Variants in CTCF observed in about 807,000 individuals in gnomAD.
The protein encoded by CTCF is CCCTC-binding factor.
CTCF carries 7 observed loss-of-function variants against 72.3 expected under a neutral mutation model. The observed-to-expected ratio is 0.10, with a 90% CI of 0.06 to 0.18. The LOEUF (loss-of-function observed/expected upper bound fraction) is 0.18. Among genes scored for constraint, CTCF ranks in the 10% least tolerant of loss-of-function variants. The pLI is 1.00. For synonymous variants in CTCF, 374 were observed against 315.8 expected, an observed-to-expected ratio of 1.18 and a Z score of -1.95; for missense variants, 516 against 949.1, an observed-to-expected ratio of 0.54 and a Z score of 6.00.
At chr16:67,570,471 C>T (rs776251557) in intron 1 of CTCF, among the ~76,000 whole-genome samples, 6 of 150,232 alleles carry the variant, frequency 4.0e-5, no homozygotes, top group Non-Finnish European at 5.9e-5. Context: ...TTTTTTGAGA[C>T]GGAGTCTCGC....
At chr16:67,590,470 CACAT>C (rs1469711700) in intron 2 of CTCF, among the ~76,000 whole-genome samples, 1 of 151,798 alleles carries the variant, frequency 6.6e-6, no homozygotes, top group African/African-American at 2.4e-5. Flanking sequence ...TCTACACACA[CACAT>C]ACAAAAAGCC....
chr16:67,611,744 C>G (rs1443897192), intron 3 of CTCF, 131 bp downstream of exon 3: 2 of 1,046,410 alleles, frequency 1.9e-6, no homozygotes, highest in South Asian at 3.3e-5. Context: ...TTCTTTAAAA[C>G]CAGTCTAAAA....
chr16:67,567,158 G>A (rs987216263), intron 1 of CTCF, among the ~76,000 whole-genome samples: 8 of 152,118 alleles, frequency 5.3e-5, no homozygotes, highest in African/African-American at 1.9e-4. Context: ...TTAAACACCT[G>A]TAAACTTTCT....
intron 1 of CTCF, among the ~76,000 whole-genome samples, chr16:67,569,131 G>T (rs1272156945): frequency 1.3e-5 from 2 of 152,178 alleles, no homozygotes; most frequent in Middle Eastern, 6.8e-3. Flanking sequence ...GAACCACTGT[G>T]CCTGGCCTAT....
intron 2 of CTCF, among the ~76,000 whole-genome samples, chr16:67,609,614 C>A (rs1313731786): frequency 1.3e-5 from 2 of 151,514 alleles, no homozygotes; most frequent in African/African-American, 4.8e-5. Flanking sequence ...ACATCTTGGG[C>A]CTGATAATTC....
At chr16:67,585,571 A>G (rs547597967) in intron 2 of CTCF, among the ~76,000 whole-genome samples, 4 of 152,318 alleles carry the variant, frequency 2.6e-5, no homozygotes, top group Non-Finnish European at 4.4e-5. Context: ...ACATCCTTAC[A>G]GGCAGTATTG....
chr16:67,612,322 C>T (rs1185195288), intron 4 of CTCF: 4 of 434,626 alleles, frequency 9.2e-6, no homozygotes, highest in African/African-American at 2.1e-5. Context: ...TGAAAAATAA[C>T]ACCCTCTCTC....
chr16:67,571,606 T>G (rs1362837907), intron 2 of CTCF, among the ~76,000 whole-genome samples: 2 of 152,188 alleles, frequency 1.3e-5, no homozygotes, highest in African/African-American at 4.8e-5. Flanking sequence ...CCCAGGAAAT[T>G]GTGGCTGCTT....
chr16:67,591,722 G>T (rs75677655), intron 2 of CTCF, among the ~76,000 whole-genome samples: 21 of 146,650 alleles, frequency 1.4e-4, no homozygotes, highest in African/African-American at 4.0e-4. Context: ...TACTTTTTTT[G>T]GGGGGGGGCA....
At chr16:67,588,971 G>A (rs1352568435) in intron 2 of CTCF, among the ~76,000 whole-genome samples, 3 of 151,972 alleles carry the variant, frequency 2.0e-5, no homozygotes, top group African/African-American at 7.2e-5. Flanking sequence ...GATTACAGGC[G>A]TGAGCCACCG....
chr16:67,637,883 T>A lies in CTCF; in HGVS notation c.*11T>A. 6.3e-7 allele frequency: 1 copy of A among 1,596,070 alleles called. No individual in the cohort carries two copies. Among genetic ancestry groups the A allele is most frequent in the Non-Finnish European group, 8.6e-7 (1 of 1,169,542 alleles). ...ATGATGGACCGGTGATGGCGGAGCC[T>A]TGTGCGTCGCCAGGACTTCTCTGGG... On this transcript the variant is annotated 3_prime_UTR_variant, in exon 12 of 12. Coordinates refer to ENST00000264010, the MANE Select transcript of CTCF (RefSeq NM_006565.4).
At chr16:67,604,730 G>GTTTT (rs533827293) in intron 2 of CTCF, among the ~76,000 whole-genome samples, 21 of 123,730 alleles carry the variant, frequency 1.7e-4, no homozygotes, top group African/African-American at 6.1e-4. Context: ...TTTCACCAGG[G>GTTTT]TTTTTTTTTT....
intron 2 of CTCF, among the ~76,000 whole-genome samples, chr16:67,588,039 G>A (rs898151805): frequency 7.9e-5 from 12 of 152,022 alleles, no homozygotes; most frequent in African/African-American, 2.9e-4. Context: ...TGCATTTTCA[G>A]TAGAGACGGG....
At chr16:67,607,041 C>T (rs2051983714) in intron 2 of CTCF, among the ~76,000 whole-genome samples, 1 of 152,148 alleles carries the variant, frequency 6.6e-6, no homozygotes. Context: ...ACTGCAACCT[C>T]CACCTCCCAG....
intron 10 of CTCF, among the ~76,000 whole-genome samples, chr16:67,631,160 T>G (rs912220306): frequency 7.4e-6 from 1 of 135,648 alleles, no homozygotes. Flanking sequence ...GTTTGTTTTT[T>G]TTTTGTTTTT....
intron 2 of CTCF, among the ~76,000 whole-genome samples, chr16:67,576,802 T>C (rs914482200): frequency 6.6e-6 from 1 of 152,130 alleles, no homozygotes; most frequent in Non-Finnish European, 1.5e-5. Context: ...AGTGCTGGGA[T>C]TACAGGCGTG....
At chr16:67,623,492 G>A (rs759784659) in intron 7 of CTCF, 1 of 151,710 alleles carries the variant, frequency 6.6e-6, no homozygotes, top group African/African-American at 2.4e-5. Context: ...AATACAAAAC[G>A]GTTGTGGTGA....
At chr16:67,629,837 C>T (rs1317220545) in intron 10 of CTCF, among the ~76,000 whole-genome samples, 12 of 122,968 alleles carry the variant, frequency 9.8e-5, no homozygotes, top group Non-Finnish European at 1.9e-4. Context: ...TGCACTGGCG[C>T]GATCTCGGCT....
chr16:67,592,855 C>T lies in CTCF; in HGVS notation c.-9-17969C>T, dbSNP rs1160185456. Among the ~76,000 whole-genome samples the T allele has an allele frequency of 4.0e-5, 6 of 151,750 alleles. No homozygotes were observed. In the East Asian group the frequency reaches 9.7e-4, roughly 25 times the overall value. ...CAGCCTGGCCAACATGGTGAAACCCCGTCTCTACTAAAAATACAAAAATTA... is the reference window on the plus strand; with the variant it reads ...CAGCCTGGCCAACATGGTGAAACCCTGTCTCTACTAAAAATACAAAAATTA... On this transcript the variant is annotated intron_variant, in intron 2 of 11. Coordinates refer to ENST00000264010, the MANE Select transcript of CTCF (RefSeq NM_006565.4).
Sources: gnomAD v4.1 joint callset for allele counts (sites outside exome capture counted in the v4.1 genomes callset) on GRCh38, gnomAD v4.1.1 for gene constraint, MANE v1.5 for transcripts, NCBI Gene and HGNC (gene_info 2026-07-23, HGNC 2026-07-21) for gene names.